The following GPATCH2 variants were observed in gnomAD, a reference collection of about 807,000 sequenced individuals.
GPATCH2 encodes the protein G patch domain-containing protein 2.
Under a neutral mutation model 58.0 loss-of-function variants are expected in GPATCH2, and 51 were observed. The observed-to-expected ratio is 0.88, with a 90% CI of 0.70 to 1.11. The LOEUF (loss-of-function observed/expected upper bound fraction) is 1.11. Ranked by LOEUF, GPATCH2 falls within the 50% of genes most tolerant of loss-of-function variation. The pLI, the probability that GPATCH2 is intolerant of heterozygous loss-of-function variation, is 0.00. For synonymous variants in GPATCH2, 222 were observed against 218.5 expected, an observed-to-expected ratio of 1.02 and a Z score of -0.14; for missense variants, 625 against 652.2, an observed-to-expected ratio of 0.96 and a Z score of 0.45.
chr1:217,549,977 AACGG>A (rs1665266495), intron 5 of GPATCH2, among the ~76,000 whole-genome samples: 2 of 152,174 alleles, frequency 1.3e-5, no homozygotes, highest in Non-Finnish European at 2.9e-5. Context: ...TTAGTTCTTT[AACGG>A]GAGAACTCTG....
chr1:217,507,555 A>G (rs892883029), intron 6 of GPATCH2, among the ~76,000 whole-genome samples: 1 of 152,192 alleles, frequency 6.6e-6, no homozygotes, highest in Non-Finnish European at 1.5e-5. Flanking sequence ...AATAAAATTA[A>G]CCACTCTCAG....
intron 5 of GPATCH2, among the ~76,000 whole-genome samples, chr1:217,584,539 A>G (rs1667250348): frequency 6.6e-6 from 1 of 151,654 alleles, no homozygotes; most frequent in African/African-American, 2.4e-5. Flanking sequence ...AAAGAAAACA[A>G]AAAACAAAAT....
chr1:217,512,242 A>G (rs1387166428), intron 6 of GPATCH2, among the ~76,000 whole-genome samples: 1 of 152,150 alleles, frequency 6.6e-6, no homozygotes, highest in Non-Finnish European at 1.5e-5. Context: ...GGATCACGTA[A>G]GCCTGGGAGG....
At chr1:217,438,400 G>A (rs531665727) in intron 9 of GPATCH2, among the ~76,000 whole-genome samples, 2 of 152,214 alleles carry the variant, frequency 1.3e-5, no homozygotes, top group African/African-American at 4.8e-5. Flanking sequence ...GACAGAAGTA[G>A]GCTTCAGAAG....
intron 5 of GPATCH2, among the ~76,000 whole-genome samples, chr1:217,552,570 T>A (rs202230512): frequency 1.3e-5 from 2 of 152,168 alleles, no homozygotes; most frequent in Non-Finnish European, 2.9e-5. Flanking sequence ...CCATAAATTA[T>A]GTTGGAACGA....
At chr1:217,544,100 T>C (rs150876689) in intron 5 of GPATCH2, among the ~76,000 whole-genome samples, 179 of 152,316 alleles carry the variant, frequency 1.2e-3, no homozygotes, top group African/African-American at 3.8e-3. Context: ...AACTGAGATA[T>C]GAAACTGCAA....
At chr1:217,620,588 G>T in intron 1 of GPATCH2, 89 bp from the exon 2 acceptor site, 1 of 755,838 alleles carries the variant, frequency 1.3e-6, no homozygotes, top group Non-Finnish European at 2.2e-6. Context: ...TTCTAAATTC[G>T]ACAAAAATTA....
At chr1:217,495,864 T>C (rs74142466) in intron 7 of GPATCH2, among the ~76,000 whole-genome samples, 15,804 of 152,184 alleles carry the variant, frequency 0.1, 1,664 homozygotes, top group African/African-American at 0.27. Context: ...TCACTATGTA[T>C]AGTAAATTGA....
At chr1:217,564,048 A>G (rs1238905726) in intron 5 of GPATCH2, among the ~76,000 whole-genome samples, 3 of 37,608 alleles carry the variant, frequency 8.0e-5, no homozygotes, top group Non-Finnish European at 1.6e-4. Flanking sequence ...CCGTCTCGAA[A>G]AAAAAAAAAA....
At chr1:217,555,800 A>AACATCTGC (rs1227398847) in intron 5 of GPATCH2, among the ~76,000 whole-genome samples, 1 of 152,150 alleles carries the variant, frequency 6.6e-6, no homozygotes, top group African/African-American at 2.4e-5. Context: ...AAAGTTTATG[A>AACATCTGC]ACATCTGCAC....
intron 5 of GPATCH2, among the ~76,000 whole-genome samples, chr1:217,601,347 G>T (rs1361401579): frequency 4.6e-5 from 7 of 151,642 alleles, no homozygotes; most frequent in African/African-American, 7.3e-5. Context: ...ATTACATATT[G>T]CTTACGTGTT....
rs1160750611 is a variant in GPATCH2 at position 217,631,087 on chromosome 1, C to A, written c.-116G>T. 4.9e-6 allele frequency: 5 copies of A among 1,016,150 alleles called. No individual in the cohort carries two copies. In the South Asian group the frequency reaches 7.5e-5, roughly 15 times the overall value. 62.9% of individuals were successfully genotyped at this position (1,016,150 alleles called of 1,614,324 possible). A position where few individuals can be genotyped will look rare whatever the true frequency, so the allele number is the denominator to read the frequency against. On this transcript the variant is annotated 5_prime_UTR_variant, in exon 1 of 10. Transcript: ENST00000366935. ...CATTTTGAGATGAGCTTCCGGAAGC[C>A]GACAGGCGGCGGAAACCGGATGCCC...
chr1:217,468,380 G>A (rs1159133745), intron 8 of GPATCH2, among the ~76,000 whole-genome samples: 3 of 152,056 alleles, frequency 2.0e-5, no homozygotes, highest in Non-Finnish European at 4.4e-5. Flanking sequence ...ACCAATTACA[G>A]GAAACACAGA....
intron 2 of GPATCH2, among the ~76,000 whole-genome samples, chr1:217,614,928 T>C (rs1668814417): frequency 6.6e-6 from 1 of 152,014 alleles, no homozygotes; most frequent in Non-Finnish European, 1.5e-5. Context: ...ATAGAAGTAA[T>C]GCTTATATGA....
chr1:217,468,237 A>T (rs2102497599), intron 8 of GPATCH2, among the ~76,000 whole-genome samples: 1 of 152,278 alleles, frequency 6.6e-6, no homozygotes, highest in East Asian at 1.9e-4. Flanking sequence ...AATCTGGGCA[A>T]TAATCATCAT....
intron 8 of GPATCH2, among the ~76,000 whole-genome samples, chr1:217,470,810 G>C (rs1307147571): frequency 6.6e-6 from 1 of 151,934 alleles, no homozygotes; most frequent in African/African-American, 2.4e-5. Flanking sequence ...CGCCATTTGA[G>C]CTTTCTTTTT....
At chr1:217,464,030 C>T (rs1179201737) in intron 8 of GPATCH2, among the ~76,000 whole-genome samples, 1 of 152,060 alleles carries the variant, frequency 6.6e-6, no homozygotes, top group African/African-American at 2.4e-5. Flanking sequence ...TAGTAACAGA[C>T]AATACCATCC....
chr1:217,523,720 G>C (rs1558455947), intron 5 of GPATCH2, among the ~76,000 whole-genome samples: 1 of 150,676 alleles, frequency 6.6e-6, no homozygotes, highest in Non-Finnish European at 1.5e-5. Context: ...TGGCCGGGCA[G>C]AGGGGCTCCT....
intron 8 of GPATCH2, among the ~76,000 whole-genome samples, chr1:217,466,129 TTGAA>T (rs558203064): frequency 2.6e-5 from 4 of 152,294 alleles, no homozygotes; most frequent in African/African-American, 4.8e-5. Flanking sequence ...GAAATATTGT[TTGAA>T]TGAGCACTTC....
Sources: allele counts gnomAD v4.1 joint callset (sites outside exome capture counted in the v4.1 genomes callset), GRCh38; gene constraint gnomAD v4.1.1; transcripts MANE v1.5; gene names NCBI Gene and HGNC (gene_info 2026-07-23, HGNC 2026-07-21).